Variants in CNIH3 observed in about 807,000 individuals in gnomAD.
CNIH3 encodes the protein protein cornichon homolog 3.
In CNIH3, 14 loss-of-function variants were observed where a neutral mutation model predicts 24.1. The observed-to-expected ratio is 0.58, with a 90% CI of 0.38 to 0.91. CNIH3 has a LOEUF of 0.91. Ranked by LOEUF, CNIH3 falls within the 40% of genes least tolerant of loss-of-function variation. CNIH3 has a pLI of 0.00. For synonymous variants in CNIH3, 68 were observed against 73.8 expected (o/e 0.92, Z 0.40); for missense variants, 178 against 196.8 (o/e 0.90, Z 0.57).
At chr1:224,473,707 C>T (rs192774916) in intron 1 of CNIH3, among the ~76,000 whole-genome samples, 35 of 152,244 alleles carry the variant, frequency 2.3e-4, no homozygotes, top group Non-Finnish European at 2.2e-4. Context: ...CTGGAAACTT[C>T]AACACCCCAC....
intron 3 of CNIH3, among the ~76,000 whole-genome samples, chr1:224,551,168 C>T (rs1355320247): frequency 6.6e-6 from 1 of 151,940 alleles, no homozygotes; most frequent in African/African-American, 2.4e-5. Context: ...GTGGCGATTC[C>T]TCAGGGATCT....
chr1:224,621,552 A>G (rs1316743978), intron 1 of CNIH3, among the ~76,000 whole-genome samples: 1 of 152,014 alleles, frequency 6.6e-6, no homozygotes, highest in Non-Finnish European at 1.5e-5. Flanking sequence ...CTGGCATCTC[A>G]CTTTCAGGTG....
rs564483637 is a variant in CNIH3, at chr1:224,722,174, G to A, written c.199-8288G>A. On this transcript the variant is annotated intron_variant, in intron 3 of 5. Coordinates refer to ENST00000272133, the MANE Select transcript of CNIH3 (RefSeq NM_152495.2). Reference sequence around the variant, plus strand: ...CAGGGGTTTTAAAAAAGAAGCATCTGCCTTGTGTGCTCTTCAGATGGGATT... The same window carrying A: ...CAGGGGTTTTAAAAAAGAAGCATCTACCTTGTGTGCTCTTCAGATGGGATT... Among the ~76,000 whole-genome samples, 6 of 152,294 alleles carry A rather than the reference G, an allele frequency of 3.9e-5. No individual in the cohort carries two copies. The East Asian group carries it at 1.2e-3, about 29-fold the overall frequency.
intron 1 of CNIH3, among the ~76,000 whole-genome samples, chr1:224,656,891 G>A (rs542325120): frequency 6.6e-5 from 10 of 152,270 alleles, no homozygotes; most frequent in Non-Finnish European, 8.8e-5. Context: ...CATACATTTC[G>A]AAGGGGCTAA....
chr1:224,638,406 C>T (rs1440871470), intron 1 of CNIH3, among the ~76,000 whole-genome samples: 1 of 152,210 alleles, frequency 6.6e-6, no homozygotes, highest in Non-Finnish European at 1.5e-5. Flanking sequence ...CCGAGTCCCT[C>T]CCACCAGGAT....
At chr1:224,453,879 C>T (rs556923990) in intron 1 of CNIH3, among the ~76,000 whole-genome samples, 1 of 152,290 alleles carries the variant, frequency 6.6e-6, no homozygotes, top group Non-Finnish European at 1.5e-5. Flanking sequence ...TGGGACCCTT[C>T]TTTATCCTCC....
chr1:224,592,317 G>A (rs1369628153), downstream of CNIH3, among the ~76,000 whole-genome samples: 1 of 152,142 alleles, frequency 6.6e-6, no homozygotes, highest in African/African-American at 2.4e-5. Flanking sequence ...TAAAAGACAA[G>A]AGAGCAGAAC....
At chr1:224,522,172 C>T (rs1297054044) in intron 2 of CNIH3, among the ~76,000 whole-genome samples, 3 of 151,868 alleles carry the variant, frequency 2.0e-5, no homozygotes, top group African/African-American at 7.3e-5. Flanking sequence ...TAGTGAGTTC[C>T]TATGAGAAAA....
chr1:224,674,811 CATCCAGGCT>C (rs1300258707), intron 1 of CNIH3, among the ~76,000 whole-genome samples: 1 of 152,008 alleles, frequency 6.6e-6, no homozygotes. Context: ...CTGAAGCCTC[CATCCAGGCT>C]AGTACTCCAC....
intron 5 of CNIH3, among the ~76,000 whole-genome samples, chr1:224,585,491 A>G (rs74440940): frequency 7.5e-6 from 1 of 133,624 alleles, no homozygotes. Flanking sequence ...TTTTTTTTTT[A>G]TTTTTGAGAC....
chr1:224,700,639 A>G (rs1687435303), intron 3 of CNIH3, among the ~76,000 whole-genome samples: 1 of 152,210 alleles, frequency 6.6e-6, no homozygotes, highest in Non-Finnish European at 1.5e-5. Context: ...CAAGATCAAA[A>G]GCAAAGTTAT....
rs151333460 is a variant in CNIH3, at chr1:224,600,173, C to T, written n.402+33909C>T. Among the ~76,000 whole-genome samples, 735 of 150,718 alleles carry T rather than the reference C, an allele frequency of 4.9e-3. 11 individuals carry two copies. Among genetic ancestry groups the T allele is most frequent in the African/African-American group, 0.017 (689 of 41,108 alleles). On this transcript the variant is annotated intron_variant and non_coding_transcript_variant, in intron 3 of 7. Transcript: ENST00000478120. The stretch of plus-strand genomic sequence containing the variant: ...ATTATCAGATATATTATTTAGTTCT[C>T]TGTTTTTCTCATCTACATTTTTTTT...
chr1:224,616,395 C>A lies in CNIH3; in HGVS notation c.-780C>A. 1 of 890,004 alleles carries A rather than the reference C, an allele frequency of 1.1e-6. No individual in the cohort carries two copies. The highest frequency in any genetic ancestry group is 1.4e-6 in the Non-Finnish European group (1 of 734,538). The allele number at this position is 890,004 out of a possible 1,614,324, so 55.1% of individuals were successfully genotyped here. On this transcript the variant is annotated 5_prime_UTR_variant, in exon 1 of 6. Transcript: ENST00000272133. ...GAGCTACAGCGTTTGGCCTGAAACCCACTGCTGCAGCCACCCGGGCTGGAG... is the reference window on the plus strand; with the variant it reads ...GAGCTACAGCGTTTGGCCTGAAACCAACTGCTGCAGCCACCCGGGCTGGAG...
intron 4 of CNIH3, among the ~76,000 whole-genome samples, chr1:224,568,295 A>G (rs1680671657): frequency 2.2e-5 from 2 of 91,458 alleles, no homozygotes; most frequent in Non-Finnish European, 2.5e-5. Flanking sequence ...TCTCAAACAA[A>G]CAAGCAAACA....
intron 4 of CNIH3, among the ~76,000 whole-genome samples, chr1:224,569,847 G>A (rs899336016): frequency 6.6e-5 from 10 of 152,034 alleles, no homozygotes; most frequent in African/African-American, 2.2e-4. Flanking sequence ...GCAATGGCGC[G>A]ATCTCAGCTC....
intron 1 of CNIH3, among the ~76,000 whole-genome samples, chr1:224,635,239 C>T (rs1208818927): frequency 6.6e-6 from 1 of 152,062 alleles, no homozygotes; most frequent in Non-Finnish European, 1.5e-5. Flanking sequence ...ATCATGAGAA[C>T]AGCATGGGGG....
Position 224,616,331 on chromosome 1 carries a change from G to T in CNIH3, c.-844G>T. ...CTACAGTTCTCGCAGTGGCAAAGGCGGCGGCGGCGGCGGCGGCAGCGGCAG... is the reference window on the plus strand; with the variant it reads ...CTACAGTTCTCGCAGTGGCAAAGGCTGCGGCGGCGGCGGCGGCAGCGGCAG... On this transcript the variant is annotated 5_prime_UTR_variant, in exon 1 of 6. Transcript: ENST00000272133. 2.6e-6 allele frequency: 1 copy of T among 382,998 alleles called. No individual in the cohort carries two copies. The highest frequency in any genetic ancestry group is 3.8e-6 in the Non-Finnish European group (1 of 260,680). The allele number at this position is 382,998 out of a possible 1,614,324, so 23.7% of individuals were successfully genotyped here. A position where few individuals can be genotyped will look rare whatever the true frequency, so the allele number is the denominator to read the frequency against.
At chr1:224,737,951 G>A (rs1689679156) in intron 5 of CNIH3, among the ~76,000 whole-genome samples, 1 of 152,206 alleles carries the variant, frequency 6.6e-6, no homozygotes, top group Non-Finnish European at 1.5e-5. Context: ...CTGCTCTGTA[G>A]AAAGATTTTT....
intron 1 of CNIH3, among the ~76,000 whole-genome samples, chr1:224,490,042 T>G (rs918305888): frequency 6.6e-6 from 1 of 152,144 alleles, no homozygotes; most frequent in African/African-American, 2.4e-5. Context: ...TAGGGACAAG[T>G]AAGCAAGTTA....
Sources: gnomAD v4.1 joint callset for allele counts (sites outside exome capture counted in the v4.1 genomes callset) on GRCh38, gnomAD v4.1.1 for gene constraint, MANE v1.5 for transcripts, NCBI Gene and HGNC (gene_info 2026-07-23, HGNC 2026-07-21) for gene names.